The following KIAA0586 variants were observed in gnomAD, a reference collection of about 807,000 sequenced individuals.
KIAA0586 encodes the protein KIAA0586.
KIAA0586 carries 144 observed loss-of-function variants against 169.8 expected under a neutral mutation model. The ratio of observed to expected loss-of-function variants is 0.85; its 90% CI spans 0.74 to 0.97. The LOEUF is 0.97. Ranked by LOEUF, KIAA0586 falls within the 50% of genes least tolerant of loss-of-function variation. The pLI, the probability that KIAA0586 is intolerant of heterozygous loss-of-function variation, is 0.00. For missense variants in KIAA0586, 1,854 were observed against 1,823.0 expected, an observed-to-expected ratio of 1.02 and a Z score of -0.31; for synonymous variants, 625 against 612.4, an observed-to-expected ratio of 1.02 and a Z score of -0.30.
chr14:58,512,686 A>G (rs904404916), intron 29 of KIAA0586, 59 bp downstream of exon 29: 2 of 936,720 alleles, frequency 2.1e-6, no homozygotes, highest in Admixed American at 3.5e-5. Context: ...ATATTGAACA[A>G]ATATGAGAAT....
chr14:58,472,397 T>C (rs2041293785), intron 18 of KIAA0586, 118 bp downstream of exon 18: 3 of 469,592 alleles, frequency 6.4e-6, no homozygotes, highest in South Asian at 5.1e-5. Context: ...TCTTTTACTT[T>C]TGAGTTAAAT....
intron 27 of KIAA0586, among the ~76,000 whole-genome samples, chr14:58,507,253 C>T (rs1595420921): frequency 1.4e-5 from 2 of 144,516 alleles, no homozygotes; most frequent in African/African-American, 2.5e-5. Flanking sequence ...ATATATAAAT[C>T]ATGTATGATT....
At chr14:58,555,993 GAC>G (rs1197944358), downstream of KIAA0586, among the ~76,000 whole-genome samples, 1 of 152,160 alleles carries the variant, frequency 6.6e-6, no homozygotes, top group Non-Finnish European at 1.5e-5. Context: ...TAACTTAACT[GAC>G]ACATATTTTT....
chr14:58,480,316 T>TA (rs1473420348), intron 20 of KIAA0586, among the ~76,000 whole-genome samples: 2 of 150,732 alleles, frequency 1.3e-5, no homozygotes, highest in African/African-American at 4.9e-5. Flanking sequence ...GTTGGCTGCT[T>TA]AGACTTCATT....
chr14:58,464,553 A>G (rs1290101500), intron 14 of KIAA0586, among the ~76,000 whole-genome samples: 1 of 152,168 alleles, frequency 6.6e-6, no homozygotes, highest in Non-Finnish European at 1.5e-5. Flanking sequence ...TTCCATAGAC[A>G]TTTATTCACT....
At chr14:58,552,010 CAG>C (rs977337969), downstream of KIAA0586, among the ~76,000 whole-genome samples, 9 of 152,230 alleles carry the variant, frequency 5.9e-5, no homozygotes, top group African/African-American at 9.6e-5. Flanking sequence ...CGTGGATCCT[CAG>C]GGGGAGGCTG....
chr14:58,475,742 T>G (rs1056642676), intron 19 of KIAA0586, among the ~76,000 whole-genome samples: 5 of 152,174 alleles, frequency 3.3e-5, no homozygotes, highest in Admixed American at 3.3e-4. Context: ...ATATTAATAA[T>G]GTACTGGCAT....
At chr14:58,559,131 C>G in the KIAA0586 span, among the ~76,000 whole-genome samples, 1 of 152,240 alleles carries the variant, frequency 6.6e-6, no homozygotes. Flanking sequence ...GTTGACATCT[C>G]TTTCAGGCTT....
intron 10 of KIAA0586, 48 bp downstream of exon 10, chr14:58,456,858 T>A: frequency 1.0e-6 from 1 of 965,348 alleles, no homozygotes; most frequent in African/African-American, 1.7e-5. Context: ...AGATAAAAAT[T>A]AAAAAGGAAT....
At position 58,550,833 on chromosome 14, in the gene KIAA0586, CAAA is replaced by C. The variant is rs58135754; in HGVS notation, c.*2918_*2920del. On this transcript the variant is annotated 3_prime_UTR_variant, in exon 31 of 31. Coordinates refer to ENST00000652326, the MANE Select transcript of KIAA0586 (RefSeq NM_001329943.3). Reference sequence around the variant, plus strand: ...TGGGTGACAGAATGAGACCGTGTCTCAAAAAAAAAAAAAAAAAAATTGCTGAGC... The same window carrying C: ...TGGGTGACAGAATGAGACCGTGTCTCAAAAAAAAAAAAAAAATTGCTGAGC... 1.2e-4 allele frequency: 11 copies of C among 93,912 alleles called. No homozygotes were observed. The highest frequency in any genetic ancestry group is 1.4e-4 in the Non-Finnish European group (6 of 43,430). The allele number at this position is 93,912 out of a possible 1,614,324, so 5.8% of individuals were successfully genotyped here.
intron 14 of KIAA0586, among the ~76,000 whole-genome samples, chr14:58,463,790 C>T (rs2140916356): frequency 6.6e-6 from 1 of 151,194 alleles, no homozygotes; most frequent in Non-Finnish European, 1.5e-5. Flanking sequence ...AGTGCCACTG[C>T]ACTCCAGCCT....
intron 4 of KIAA0586, among the ~76,000 whole-genome samples, chr14:58,432,791 C>T (rs775268557): frequency 1.3e-5 from 2 of 152,194 alleles, no homozygotes; most frequent in Non-Finnish European, 2.9e-5. Context: ...AATCTCGGCT[C>T]ACTGCAACCT....
chr14:58,522,925 T>C (rs974018166), intron 29 of KIAA0586, among the ~76,000 whole-genome samples: 8 of 152,178 alleles, frequency 5.3e-5, no homozygotes, highest in African/African-American at 1.9e-4. Flanking sequence ...AGAAAAAATA[T>C]TTCTCTGGCA....
intron 22 of KIAA0586, 82 bp downstream of exon 22, chr14:58,487,248 T>C: frequency 1.8e-6 from 2 of 1,140,928 alleles, no homozygotes; most frequent in Non-Finnish European, 2.5e-6. Flanking sequence ...TGTTGCTTAC[T>C]AGGTTTTAGT....
Position 58,442,763 on chromosome 14 carries a change from C to T in KIAA0586, c.468C>T (p.Gly156=), listed in dbSNP as rs768826026. The T allele has an allele frequency of 2.5e-6, 4 of 1,597,428 alleles. 1 individual carries two copies. Among genetic ancestry groups the T allele is most frequent in the Admixed American group, 3.5e-5 (2 of 57,206 alleles). ...AGGTACATCTGTTAGAAGATGCAGG[C>T]ATAGAGAAGGATGCTGTTACTCAGG... The part of the protein sequence containing the change: ...EVKVHLLEDA[G]IEKDAVTQET... Residue 156 remains glycine (G), a synonymous_variant, in exon 5 of 31, where the codon GGC becomes GGT. Transcript: ENST00000652326.
At chr14:58,494,395 T>C (rs1340689214) in intron 26 of KIAA0586, among the ~76,000 whole-genome samples, 1 of 151,982 alleles carries the variant, frequency 6.6e-6, no homozygotes, top group Non-Finnish European at 1.5e-5. Context: ...TCTGTCTGAT[T>C]AATATCATTC....
At chr14:58,487,445 A>G (rs903197315) in intron 22 of KIAA0586, among the ~76,000 whole-genome samples, 4 of 152,004 alleles carry the variant, frequency 2.6e-5, no homozygotes, top group Admixed American at 2.6e-4. Context: ...CTCTCTACTA[A>G]AAGTACAAAA....
chr14:58,468,326 C>T (rs1218980403), intron 16 of KIAA0586, among the ~76,000 whole-genome samples: 1 of 152,194 alleles, frequency 6.6e-6, no homozygotes, highest in Admixed American at 6.5e-5. Context: ...GCTGGGATTA[C>T]AGGCATGAGC....
intron 5 of KIAA0586, among the ~76,000 whole-genome samples, chr14:58,443,650 C>T (rs564330122): frequency 1.3e-5 from 2 of 152,234 alleles, no homozygotes; most frequent in Admixed American, 6.5e-5. Context: ...GTCTCGATCT[C>T]CTGACCTCGT....
Sources: allele counts gnomAD v4.1 joint callset (sites outside exome capture counted in the v4.1 genomes callset), GRCh38; gene constraint gnomAD v4.1.1; transcripts MANE v1.5; gene names NCBI Gene and HGNC (gene_info 2026-07-23, HGNC 2026-07-21).